The following SLC4A4 variants were observed in gnomAD, a reference collection of about 807,000 sequenced individuals.
The protein encoded by SLC4A4 is electrogenic sodium bicarbonate cotransporter 1.
A neutral mutation model predicts 111.5 loss-of-function variants in SLC4A4; 27 were observed. The observed-to-expected ratio is 0.24, with a 90% CI of 0.18 to 0.33. SLC4A4 has a LOEUF of 0.33. Ranked by LOEUF, SLC4A4 falls within the 10% of genes least tolerant of loss-of-function variation. The pLI is 1.00. For missense variants in SLC4A4, 909 were observed against 1,315.5 expected (o/e 0.69, Z 4.78); for synonymous variants, 443 against 463.4 (o/e 0.96, Z 0.57).
intron 6 of SLC4A4, among the ~76,000 whole-genome samples, chr4:71,371,532 C>A (rs1731886269): frequency 6.6e-6 from 1 of 151,990 alleles, no homozygotes; most frequent in African/African-American, 2.4e-5. Flanking sequence ...ATGTAAGCCA[C>A]CACACATGGC....
chr4:71,440,945 T>G (rs555918413), intron 8 of SLC4A4, among the ~76,000 whole-genome samples, 172 bp downstream of exon 8: 1 of 152,322 alleles, frequency 6.6e-6, no homozygotes, highest in African/African-American at 2.4e-5. Context: ...GGCACTTATA[T>G]AGTAATAATA....
At position 71,369,290 on chromosome 4, in the gene SLC4A4, C is replaced by T. The variant is rs368573879; in HGVS notation, c.730+12103C>T. 1.2e-4 allele frequency among the ~76,000 whole-genome samples: 18 copies of T among 152,296 alleles called. No individual in the cohort carries two copies. The East Asian group carries it at 2.9e-3, about 25-fold the overall frequency. On this transcript the variant is annotated intron_variant, in intron 6 of 25. Transcript: ENST00000264485. ...ATATTCCTAAAGTCGTAATTGCTGA[C>T]TTATTTCTTCTACTGTCAAAGAGTA...
intron 12 of SLC4A4, among the ~76,000 whole-genome samples, chr4:71,465,609 A>G (rs1451325184): frequency 6.6e-6 from 1 of 151,842 alleles, no homozygotes; most frequent in African/African-American, 2.4e-5. Context: ...AATAGGAAAC[A>G]GCCTAGTTTG....
At position 71,083,474 on chromosome 4, in the gene SLC4A4, A is replaced by T. The variant is rs1342537825; in HGVS notation, c.-64-9256A>T. ...CTTATTACCTCTGAAAAATTTCATT[A>T]CTCCTTCCTGATTCTGATTATTAAG... On this transcript the variant is annotated intron_variant, in intron 1 of 26. Transcript: ENST00000649996. 2.6e-5 allele frequency among the ~76,000 whole-genome samples: 4 copies of T among 151,344 alleles called. 1 individual carries two copies. The highest frequency in any genetic ancestry group is 7.3e-5 in the African/African-American group (3 of 40,982).
At chr4:71,563,750 A>G in intron 23 of SLC4A4, 43 bp from the exon 24 acceptor site, 2 of 1,212,714 alleles carry the variant, frequency 1.6e-6, no homozygotes, top group Non-Finnish European at 1.2e-6. Context: ...GAAGGGCTGT[A>G]TAATAAAAAC....
chr4:71,272,256 G>A (rs1186068946), intron 3 of SLC4A4, among the ~76,000 whole-genome samples: 3 of 152,204 alleles, frequency 2.0e-5, no homozygotes, highest in African/African-American at 7.2e-5. Context: ...CTGCTTGAGA[G>A]TGTTTCCCCA....
At chr4:71,441,357 C>T (rs1477072811) in intron 8 of SLC4A4, among the ~76,000 whole-genome samples, 2 of 152,200 alleles carry the variant, frequency 1.3e-5, no homozygotes, top group Non-Finnish European at 2.9e-5. Flanking sequence ...TCATCCGCCT[C>T]TGAAACTGAG....
At chr4:71,331,359 A>G (rs1465557964) in intron 3 of SLC4A4, among the ~76,000 whole-genome samples, 3 of 152,210 alleles carry the variant, frequency 2.0e-5, no homozygotes, top group Non-Finnish European at 2.9e-5. Context: ...AGACTGGATT[A>G]AGAAAATGTG....
chr4:71,290,879 C>A (rs1261282876), intron 3 of SLC4A4, among the ~76,000 whole-genome samples: 1 of 152,108 alleles, frequency 6.6e-6, no homozygotes, highest in African/African-American at 2.4e-5. Flanking sequence ...CTTCTTTGGT[C>A]CTGTTATTTG....
rs1728681762 is a variant in SLC4A4 at position 71,339,191 on chromosome 4, A to C, written c.254-179A>C. On this transcript the variant is annotated intron_variant, in intron 3 of 25. Coordinates refer to ENST00000264485, the MANE Select transcript of SLC4A4 (RefSeq NM_001098484.3). ...ACAGTTCAGAACCAAAGGAATAGAG[A>C]AGGGCTTTGATTTCTTTTTGGCTTT... The C allele has an allele frequency of 4.3e-6, 7 of 1,613,974 alleles. No homozygotes were observed. The Admixed American group carries it at 6.7e-5, about 15-fold the overall frequency.
Position 71,472,921 on chromosome 4 carries a change from A to C in SLC4A4, c.1854A>C (p.Lys618Asn). The change falls in exon 14 of 26, where the codon AAA becomes AAC. Residue 618 changes from lysine (K) to asparagine (N), a missense_variant. Lys to Asn is a moderately conservative substitution (Grantham distance 94). Transcript: ENST00000264485. ...ADYYPINSNF[K>N]VGYNTLFSCT... ...ACTACCCCATCAACTCCAACTTCAA[A>C]GTGGGCTACAACACTCTCTTTTCCT... 2 of 1,612,990 alleles carry C rather than the reference A, an allele frequency of 1.2e-6. No individual in the cohort carries two copies. Among genetic ancestry groups the C allele is most frequent in the Non-Finnish European group, 1.7e-6 (2 of 1,179,372 alleles).
At chr4:71,209,461 TTTC>T (rs1050688980) in intron 1 of SLC4A4, among the ~76,000 whole-genome samples, 4 of 152,302 alleles carry the variant, frequency 2.6e-5, no homozygotes, top group Middle Eastern at 3.4e-3. Flanking sequence ...AAACCTTTCT[TTTC>T]TTCTTCTTTT....
At chr4:71,486,257 A>G (rs1729391424) in intron 14 of SLC4A4, among the ~76,000 whole-genome samples, 1 of 151,512 alleles carries the variant, frequency 6.6e-6, no homozygotes, top group Non-Finnish European at 1.5e-5. Flanking sequence ...TACTTTTTAA[A>G]TACTGTTTTT....
chr4:71,522,209 C>T (rs2886107), intron 16 of SLC4A4, among the ~76,000 whole-genome samples: 88,124 of 152,042 alleles, frequency 0.58, 28,373 homozygotes, highest in Non-Finnish European at 0.74. Context: ...TCTGTTCTAT[C>T]AGCCTCGAGT....
At chr4:71,378,057 A>G (rs1404500131) in intron 6 of SLC4A4, among the ~76,000 whole-genome samples, 1 of 152,190 alleles carries the variant, frequency 6.6e-6, no homozygotes, top group Non-Finnish European at 1.5e-5. Context: ...AGAATAGCAC[A>G]GGAGAGACCA....
intron 3 of SLC4A4, among the ~76,000 whole-genome samples, chr4:71,317,150 T>A (rs1294359253): frequency 6.6e-6 from 1 of 151,886 alleles, no homozygotes; most frequent in Non-Finnish European, 1.5e-5. Context: ...TGTTCACCCA[T>A]CATTTGAAGC....
At chr4:71,126,101 G>A (rs1156440431) in intron 2 of SLC4A4, among the ~76,000 whole-genome samples, 1 of 152,024 alleles carries the variant, frequency 6.6e-6, no homozygotes. Context: ...TTTTATAGCT[G>A]AAAATAATTT....
rs145087232 is a variant in SLC4A4, at chr4:71,478,797, C to A, written c.1903+5827C>A. Among the ~76,000 whole-genome samples the A allele has an allele frequency of 2.0e-5, 3 of 151,828 alleles. 1 individual carries two copies. In the East Asian group the frequency reaches 5.9e-4, roughly 30 times the overall value. On this transcript the variant is annotated intron_variant, in intron 14 of 25. Coordinates refer to ENST00000264485, the MANE Select transcript of SLC4A4 (RefSeq NM_001098484.3). ...TACTTGCAGTGAAGTAGAATACACA[C>A]ATATACAAACACATATTATAAAATG...
intron 1 of SLC4A4, among the ~76,000 whole-genome samples, chr4:71,068,534 G>A (rs1044827406): frequency 1.3e-5 from 2 of 151,290 alleles, no homozygotes; most frequent in Non-Finnish European, 2.9e-5. Context: ...CCATACATTA[G>A]TTTTGTCAGG....
Sources: gnomAD v4.1 joint callset for allele counts (sites outside exome capture counted in the v4.1 genomes callset) on GRCh38, gnomAD v4.1.1 for gene constraint, MANE v1.5 for transcripts, NCBI Gene and HGNC (gene_info 2026-07-23, HGNC 2026-07-21) for gene names.